Variants in AP2A2 observed in about 807,000 individuals in gnomAD.
The protein encoded by AP2A2 is adaptor related protein complex 2 subunit alpha 2.
A neutral mutation model predicts 104.2 loss-of-function variants in AP2A2; 32 were observed. The ratio of observed to expected loss-of-function variants is 0.31; its 90% confidence interval spans 0.23 to 0.41. The LOEUF (loss-of-function observed/expected upper bound fraction) is 0.41. AP2A2 is among the 10% of genes least tolerant of loss of function. The pLI is 1.00. For synonymous variants in AP2A2, 539 were observed against 533.3 expected, an observed-to-expected ratio of 1.01 and a Z score of -0.15; for missense variants, 912 against 1,261.0, an observed-to-expected ratio of 0.72 and a Z score of 4.19.
chr11:963,049 T>C (rs547260614), intron 2 of AP2A2, among the ~76,000 whole-genome samples: 119 of 152,152 alleles, frequency 7.8e-4, no homozygotes, highest in South Asian at 2.3e-3. Flanking sequence ...GGCAGCCTCA[T>C]TGAAAAAAAG....
rs11538725 is a variant in AP2A2, at chr11:993,907, C to G, written c.1704C>G (p.Leu568=). 159,168 of 1,611,234 alleles carry G rather than the reference C, an allele frequency of 0.099. 9,992 individuals carry two copies. The highest frequency in any genetic ancestry group is 0.27 in the East Asian group (11,953 of 44,810). Residue 568 remains leucine (L), a synonymous_variant, in exon 13 of 22, where the codon CTC becomes CTG. Transcript: ENST00000448903. This position sits in a 1 kb window ranked among gnomAD's most constrained non-coding sequence, Gnocchi z 8.2. ...ACGTGCTGCGCAGCGACAGCCAGCT[C>G]AGGAACGCAGACGTGGAGCTGCAGC... The part of the protein sequence containing the change: ...IQDVLRSDSQ[L]RNADVELQQR...
At chr11:1,000,719 T>C in intron 15 of AP2A2, 121 bp downstream of exon 15, 1 of 1,128,120 alleles carries the variant, frequency 8.9e-7, no homozygotes, top group Non-Finnish European at 1.2e-6. Flanking sequence ...GATTACTGCC[T>C]GGGGGAGAGA....
At chr11:964,026 G>A (rs1854531853) in intron 2 of AP2A2, among the ~76,000 whole-genome samples, 1 of 152,370 alleles carries the variant, frequency 6.6e-6, no homozygotes, top group Admixed American at 6.5e-5. Context: ...CAGGATGTCA[G>A]TGGTGCCAGG....
Position 992,634 on chromosome 11 carries a change from C to A in AP2A2, c.1401C>A (p.Ile467=). The change falls in exon 11 of 22, where the codon ATC becomes ATA. Residue 467 remains isoleucine, a synonymous_variant. Coordinates refer to ENST00000448903, the MANE Select transcript of AP2A2 (RefSeq NM_012305.4). The surrounding 1 kb of genome is among the most constrained non-coding windows in gnomAD (Gnocchi z 6.4). The part of the protein sequence containing the change: ...SEEVWYRVIQ[I]VINRDDVQGY... Reference sequence around the variant, plus strand: ...AGGTGTGGTACCGAGTCATTCAGATCGTCATCAACCGGGACGACGTGCAGG... The same window carrying A: ...AGGTGTGGTACCGAGTCATTCAGATAGTCATCAACCGGGACGACGTGCAGG... 6.2e-7 allele frequency: 1 copy of A among 1,613,966 alleles called. No homozygotes were observed. The highest frequency in any genetic ancestry group is 2.2e-5 in the East Asian group (1 of 44,886).
intron 15 of AP2A2, among the ~76,000 whole-genome samples, chr11:1,001,079 C>G (rs1038871652): frequency 3.9e-5 from 6 of 152,232 alleles, no homozygotes; most frequent in African/African-American, 7.2e-5. Flanking sequence ...GTGAGGCCCA[C>G]CCTGCTCACG....
At chr11:940,377 C>A (rs1853605380) in intron 1 of AP2A2, among the ~76,000 whole-genome samples, 1 of 152,192 alleles carries the variant, frequency 6.6e-6, no homozygotes, top group African/African-American at 2.4e-5. Context: ...CTAACCTCTT[C>A]TGTTTCATTT....
At chr11:981,774 C>T (rs1279333997) in intron 6 of AP2A2, among the ~76,000 whole-genome samples, 1 of 152,252 alleles carries the variant, frequency 6.6e-6, no homozygotes, top group African/African-American at 2.4e-5. Flanking sequence ...CTGCAGTTTA[C>T]CTGCTGTCCT....
intron 1 of AP2A2, among the ~76,000 whole-genome samples, chr11:941,649 G>A (rs1252539135): frequency 1.3e-5 from 2 of 151,438 alleles, no homozygotes; most frequent in Non-Finnish European, 2.9e-5. Flanking sequence ...GTGCAGTGGC[G>A]TGATCTCGGC....
chr11:956,952 C>T (rs1301236542), intron 1 of AP2A2: 2 of 152,216 alleles, frequency 1.3e-5, no homozygotes, highest in Non-Finnish European at 1.5e-5. Context: ...GGGGTGTCCT[C>T]CAGCTTGATT....
intron 1 of AP2A2, among the ~76,000 whole-genome samples, chr11:935,560 C>T (rs1436249603): frequency 6.7e-6 from 1 of 148,422 alleles, no homozygotes; most frequent in East Asian, 2.0e-4. Flanking sequence ...CCTTGGGCCC[C>T]CAAAGTGTTG....
At chr11:952,477 A>G (rs1376266848) in intron 1 of AP2A2, among the ~76,000 whole-genome samples, 1 of 152,220 alleles carries the variant, frequency 6.6e-6, no homozygotes, top group Non-Finnish European at 1.5e-5. Flanking sequence ...TGGAATGCAA[A>G]TTGTAACTTG....
intron 1 of AP2A2, among the ~76,000 whole-genome samples, chr11:929,454 C>T (rs1039772822): frequency 5.3e-5 from 8 of 152,166 alleles, no homozygotes; most frequent in Non-Finnish European, 1.0e-4. Flanking sequence ...ATTAAAGCTG[C>T]GTGAGTGGAG....
chr11:936,380 T>A (rs1299809551), intron 1 of AP2A2, among the ~76,000 whole-genome samples: 1 of 151,728 alleles, frequency 6.6e-6, no homozygotes, highest in Non-Finnish European at 1.5e-5. Flanking sequence ...CCTGGCTAAT[T>A]TTTTAAATAA....
At chr11:945,528 T>C (rs1378367791) in intron 1 of AP2A2, among the ~76,000 whole-genome samples, 1 of 152,168 alleles carries the variant, frequency 6.6e-6, no homozygotes, top group Admixed American at 6.5e-5. Context: ...AGATGGGGTT[T>C]CACCACATTG....
At chr11:990,080 A>C (rs1218716746) in intron 10 of AP2A2, among the ~76,000 whole-genome samples, 2 of 152,168 alleles carry the variant, frequency 1.3e-5, no homozygotes, top group Non-Finnish European at 2.9e-5. Flanking sequence ...GGAGGAGCCC[A>C]GGTGCTGGGG....
At chr11:932,706 C>T (rs1031813470) in intron 1 of AP2A2, 3 of 456,078 alleles carry the variant, frequency 6.6e-6, no homozygotes, top group African/African-American at 6.0e-5. Flanking sequence ...TTTTTCTTGC[C>T]AAGGTTGGTG....
chr11:1,011,340 C>T lies in AP2A2; in HGVS notation c.*715C>T. 1 of 518,678 alleles carries T rather than the reference C, an allele frequency of 1.9e-6. No individual in the cohort carries two copies. 32.1% of individuals were successfully genotyped at this position (518,678 alleles called of 1,614,324 possible). A position where few individuals can be genotyped will look rare whatever the true frequency, so the allele number is the denominator to read the frequency against. On this transcript the variant is annotated 3_prime_UTR_variant, in exon 22 of 22. Coordinates refer to ENST00000448903, the MANE Select transcript of AP2A2 (RefSeq NM_012305.4). ...CGTCCTGCCGGCCCCGCAGGGCCCC[C>T]AGGACTCCAGGGTAAAGTGTGGGCC... is the stretch of plus-strand genomic sequence containing the variant.
intron 1 of AP2A2, among the ~76,000 whole-genome samples, chr11:953,569 A>G (rs1211351425): frequency 6.8e-6 from 1 of 147,758 alleles, no homozygotes; most frequent in African/African-American, 2.5e-5. Flanking sequence ...TTGTCTTCAC[A>G]CAGTGGCCTG....
At chr11:1,000,398 C>G in intron 14 of AP2A2, 34 bp from the exon 15 acceptor site, 4 of 1,541,052 alleles carry the variant, frequency 2.6e-6, no homozygotes, top group Non-Finnish European at 3.5e-6. Context: ...GCCAGGGAGG[C>G]TCTCTGCTGA....
Sources: gnomAD v4.1 joint callset for allele counts (sites outside exome capture counted in the v4.1 genomes callset) on GRCh38, gnomAD v4.1.1 for gene constraint, Gnocchi (gnomAD v3.1) non-coding constraint, MANE v1.5 for transcripts, NCBI Gene and HGNC (gene_info 2026-07-23, HGNC 2026-07-21) for gene names.